The following TENM3 variants were observed in gnomAD, a reference collection of about 807,000 sequenced individuals.
TENM3 encodes the protein teneurin transmembrane protein 3, also known as teneurin-3.
In TENM3, 63 loss-of-function variants were observed where a neutral mutation model predicts 255.1. The ratio of observed to expected loss-of-function variants is 0.25; its 90% CI spans 0.20 to 0.30. TENM3 has a LOEUF of 0.30. Among genes scored for constraint, TENM3 ranks in the 10% least tolerant of loss-of-function variants. The probability of loss-of-function intolerance (pLI) is 1.00; values close to 1 mark genes in which losing one functional copy is unlikely to be tolerated. For synonymous variants in TENM3, 1,306 were observed against 1,322.3 expected (o/e 0.99, Z 0.27); for missense variants, 2,929 against 3,461.1 (o/e 0.85, Z 3.86).
intron 1 of TENM3, among the ~76,000 whole-genome samples, chr4:182,161,244 G>A (rs1374930735): frequency 1.4e-5 from 2 of 139,670 alleles, no homozygotes; most frequent in Admixed American, 1.5e-4. Context: ...GTGAAACCCC[G>A]TCTCTACTAA....
the TENM3 span, among the ~76,000 whole-genome samples, chr4:182,123,753 T>G: frequency 6.6e-6 from 1 of 152,128 alleles, no homozygotes; most frequent in Admixed American, 6.5e-5. Flanking sequence ...GAGCACACGC[T>G]GTTGGAAAAA....
At position 182,789,697 on chromosome 4, in the gene TENM3, G is replaced by A. The variant is rs76718236; in HGVS notation, c.5601+308G>A. Among the ~76,000 whole-genome samples, 925 of 152,332 alleles carry A rather than the reference G, an allele frequency of 6.1e-3. 8 individuals are homozygous for A. The highest frequency in any genetic ancestry group is 0.021 in the African/African-American group (881 of 41,580). ...AACATTCACAAATTAGACCTTGAGC[G>A]TGTAAGTCGCTTGTAAATAATTTTC... On this transcript the variant is annotated intron_variant, in intron 25 of 27. Transcript: ENST00000511685. This position sits in a 1 kb window ranked among gnomAD's most constrained non-coding sequence, Gnocchi z 4.4.
intron 3 of TENM3, among the ~76,000 whole-genome samples, chr4:182,545,969 C>T (rs905232028): frequency 1.3e-5 from 2 of 152,072 alleles, no homozygotes; most frequent in East Asian, 3.9e-4. Flanking sequence ...GATCAACAGT[C>T]GATTAACACA....
At chr4:181,808,603 C>T in the TENM3 span, among the ~76,000 whole-genome samples, 1 of 152,248 alleles carries the variant, frequency 6.6e-6, no homozygotes, top group African/African-American at 2.4e-5. Context: ...AATTTATTTT[C>T]TTAAACAGCT....
In TENM3 at chr4:182,246,694, C is replaced by A. The variant is rs543446718; in HGVS notation, c.-76+3218C>A. The stretch of plus-strand genomic sequence containing the variant: ...AAGCTTGTGCCGTCTTGACTGTATT[C>A]ATAAGAAATAGAGAGATATGAATCA... On this transcript the variant is annotated intron_variant, in intron 1 of 27. Transcript: ENST00000511685. Among the ~76,000 whole-genome samples the A allele has an allele frequency of 1.8e-4, 27 of 151,544 alleles. No homozygotes were observed. The South Asian group carries it at 5.4e-3, about 31-fold the overall frequency.
At position 182,799,822 on chromosome 4, in the gene TENM3, T is replaced by C. The variant is rs1253337379; in HGVS notation, c.7571T>C (p.Val2524Ala). 1.9e-6 allele frequency: 3 copies of C among 1,609,340 alleles called. No individual in the cohort carries two copies. The highest frequency in any genetic ancestry group is 2.7e-5 in the African/African-American group (2 of 74,838). Residue 2524 changes from valine to alanine, a missense_variant, in exon 28 of 28, where the codon GTG (valine) becomes GCG (alanine). Around this residue, in one of 6 missense-constraint regions of TENM3, gnomAD observed 476 missense variants for 480.1 expected, o/e 0.99. Transcript: ENST00000511685. This position sits in a 1 kb window ranked among gnomAD's most constrained non-coding sequence, Gnocchi z 4.2. ...ATCGCCAACGAGGACTGCATCAAGG[T>C]GGCGGCCGTGCTCAACAACGCCTTC... ...LNIANEDCIK[V>A]AAVLNNAFYL...
chr4:182,770,103 T>A (rs1401782676), intron 22 of TENM3, among the ~76,000 whole-genome samples: 2 of 123,676 alleles, frequency 1.6e-5, no homozygotes, highest in African/African-American at 3.1e-5. Context: ...GAGACTTGTC[T>A]CGAAAAAAAA....
chr4:181,605,204 G>A, the TENM3 span, among the ~76,000 whole-genome samples: 1 of 151,786 alleles, frequency 6.6e-6, no homozygotes. Context: ...CCACCACTTC[G>A]CGAGGCCGAA....
chr4:182,480,824 A>T (rs1431005549), intron 3 of TENM3, among the ~76,000 whole-genome samples: 1 of 152,092 alleles, frequency 6.6e-6, no homozygotes, highest in African/African-American at 2.4e-5. Flanking sequence ...TCAATGACTA[A>T]AATATGGTTT....
chr4:182,326,063 C>T (rs963917029), intron 2 of TENM3, among the ~76,000 whole-genome samples: 8 of 152,226 alleles, frequency 5.3e-5, no homozygotes, highest in Non-Finnish European at 1.2e-4. Flanking sequence ...AAGCCAAGGA[C>T]TGCAGAATCC....
At chr4:182,052,896 C>T in the TENM3 span, among the ~76,000 whole-genome samples, 1 of 152,090 alleles carries the variant, frequency 6.6e-6, no homozygotes. Context: ...ATCTGATGAA[C>T]TTTTGTGTTT....
At chr4:181,755,894 CT>C in the TENM3 span, among the ~76,000 whole-genome samples, 6 of 152,128 alleles carry the variant, frequency 3.9e-5, no homozygotes, top group Non-Finnish European at 7.4e-5. Context: ...TATATTGCCC[CT>C]GATTGCTGTC....
the TENM3 span, among the ~76,000 whole-genome samples, chr4:182,008,225 A>G: frequency 6.6e-6 from 1 of 152,016 alleles, no homozygotes; most frequent in African/African-American, 2.4e-5. Flanking sequence ...CTCGTGGAGT[A>G]TCTTAATGGA....
chr4:181,816,283 C>T, the TENM3 span, among the ~76,000 whole-genome samples: 7 of 152,112 alleles, frequency 4.6e-5, no homozygotes, highest in African/African-American at 1.7e-4. Context: ...GACAAACCAA[C>T]AAAAATCAAT....
chr4:182,358,465 A>T (rs1207449756), intron 3 of TENM3, among the ~76,000 whole-genome samples: 1 of 151,946 alleles, frequency 6.6e-6, no homozygotes, highest in Non-Finnish European at 1.5e-5. Flanking sequence ...TAGGTATTTT[A>T]TTCTCTTTGA....
chr4:182,727,902 C>T (rs943656417), intron 13 of TENM3, among the ~76,000 whole-genome samples: 15 of 150,226 alleles, frequency 1.0e-4, no homozygotes, highest in Non-Finnish European at 1.9e-4. Flanking sequence ...GCTCTGTTGC[C>T]CAGGCTGGAG....
chr4:181,835,583 G>A, the TENM3 span, among the ~76,000 whole-genome samples: 1 of 152,106 alleles, frequency 6.6e-6, no homozygotes, highest in East Asian at 1.9e-4. Flanking sequence ...TTTCCAGGTT[G>A]CTTGGTATGA....
rs182752088 is a variant in TENM3, at chr4:182,488,642, G to C, written c.512-112282G>C. ...TTCAAGGGGAAATAAGAAGCTGGTA[G>C]TTAATGAATACCACGGAAAGAAGTC... is the stretch of plus-strand genomic sequence containing the variant. On this transcript the variant is annotated intron_variant, in intron 3 of 27. Coordinates refer to ENST00000511685, the MANE Select transcript of TENM3 (RefSeq NM_001080477.4). 2.2e-3 allele frequency among the ~76,000 whole-genome samples: 332 copies of C among 152,282 alleles called. 4 individuals carry two copies. The highest frequency in any genetic ancestry group is 7.8e-3 in the African/African-American group (323 of 41,552).
chr4:181,508,746 G>T, the TENM3 span, among the ~76,000 whole-genome samples: 1 of 152,038 alleles, frequency 6.6e-6, no homozygotes, highest in Admixed American at 6.5e-5. Context: ...GTTGAATGTA[G>T]CTTGGTCTAT....
Sources: allele counts gnomAD v4.1 joint callset (sites outside exome capture counted in the v4.1 genomes callset), GRCh38; gene constraint gnomAD v4.1.1; regional missense constraint gnomAD v4.1.1; non-coding constraint Gnocchi (gnomAD v3.1); transcripts MANE v1.5; gene names NCBI Gene and HGNC (gene_info 2026-07-23, HGNC 2026-07-21).